Variants in LYSMD2 observed in about 807,000 individuals in gnomAD.
LYSMD2 encodes LysM domain containing 2, also known as lysM and putative peptidoglycan-binding domain-containing protein 2.
LYSMD2 carries 6 observed loss-of-function variants against 17.7 expected under a neutral mutation model. The ratio of observed to expected loss-of-function variants is 0.34; its 90% CI spans 0.19 to 0.67. The LOEUF (loss-of-function observed/expected upper bound fraction) is 0.67. Ranked by LOEUF, LYSMD2 falls within the 30% of genes least tolerant of loss-of-function variation. LYSMD2 has a pLI of 0.69. For synonymous variants in LYSMD2, 102 were observed against 129.8 expected (o/e 0.79, Z 1.45); for missense variants, 237 against 286.7 (o/e 0.83, Z 1.25).
Position 51,737,629 on chromosome 15 carries a change from T to C in LYSMD2, c.-7A>G. On this transcript the variant is annotated 5_prime_UTR_variant, in exon 1 of 3. Transcript: ENST00000267838. This position sits in a 1 kb window ranked among gnomAD's most constrained non-coding sequence, Gnocchi z 4.2. ...CGGGCGAGGAATCCGCCATGGGTCCTGCCGAGGCCGCCGGGTCGGGGAGCT... is the reference window on the plus strand; with the variant it reads ...CGGGCGAGGAATCCGCCATGGGTCCCGCCGAGGCCGCCGGGTCGGGGAGCT... The C allele has an allele frequency of 8.3e-7, 1 of 1,205,954 alleles. No individual in the cohort carries two copies. Among genetic ancestry groups the C allele is most frequent in the African/African-American group, 1.6e-5 (1 of 63,298 alleles). 74.7% of individuals were successfully genotyped at this position (1,205,954 alleles called of 1,614,324 possible).
chr15:51,730,061 T>C (rs1052933717), intron 1 of LYSMD2, among the ~76,000 whole-genome samples: 6 of 152,168 alleles, frequency 3.9e-5, no homozygotes, highest in Admixed American at 2.6e-4. Context: ...CTAGATTGAA[T>C]AGTGTAACTC....
Position 51,735,847 on chromosome 15 carries a change from C to G in LYSMD2, c.273+1503G>C, listed in dbSNP as rs148258204. Among the ~76,000 whole-genome samples the G allele has an allele frequency of 2.7e-3, 404 of 152,336 alleles. 2 individuals are homozygous for G. The highest frequency in any genetic ancestry group is 9.4e-3 in the African/African-American group (392 of 41,578). On this transcript the variant is annotated intron_variant, in intron 1 of 2. Coordinates refer to ENST00000267838, the MANE Select transcript of LYSMD2 (RefSeq NM_153374.3). ...AGACAGCATGGGAAATAACACTCTT[C>G]TGCATGTCATAGATTTTTAGGTGCT...
upstream of LYSMD2, chr15:51,737,809 T>G: frequency 2.7e-6 from 1 of 367,770 alleles, no homozygotes; most frequent in Non-Finnish European, 4.6e-6. The surrounding 1 kb of genome is among the most constrained non-coding windows in gnomAD (Gnocchi z 4.2). Flanking sequence ...CTCTGCGTCC[T>G]GCCTGCCCCG....
intron 1 of LYSMD2, among the ~76,000 whole-genome samples, chr15:51,730,531 T>A (rs1360255281): frequency 6.6e-6 from 1 of 152,112 alleles, no homozygotes; most frequent in Non-Finnish European, 1.5e-5. Context: ...AAATTTTTTT[T>A]AATAAAATAA....
chr15:51,751,357 G>A (rs1312934143), exon 1 of LYSMD2: 3 of 702,292 alleles, frequency 4.3e-6, no homozygotes, highest in Non-Finnish European at 7.8e-6. Flanking sequence ...TGCCATCCAC[G>A]CTCTCCGGAG....
At position 51,737,421 on chromosome 15, in the gene LYSMD2, C is replaced by G. The variant is rs2055617860; in HGVS notation, c.202G>C (p.Glu68Gln). The change falls in exon 1 of 3, where the codon GAG becomes CAG. Residue 68 changes from glutamate (E) to glutamine (Q), a missense_variant. Glu to Gln is a conservative substitution (Grantham distance 29). Coordinates refer to ENST00000267838, the MANE Select transcript of LYSMD2 (RefSeq NM_153374.3). The surrounding 1 kb of genome is among the most constrained non-coding windows in gnomAD (Gnocchi z 4.2). The stretch of plus-strand genomic sequence containing the variant: ...CGGACCCGGTGCTCCACATGGCGCT[C>G]GATGACGCCGGCGCCCAGCGGCGCC... ...VRAPLGAGVIERHVEHRVRAG... is the reference protein window; with the variant it reads ...VRAPLGAGVIQRHVEHRVRAG... 7 of 1,444,850 alleles carry G rather than the reference C, an allele frequency of 4.8e-6. No individual in the cohort carries two copies. Among genetic ancestry groups the G allele is most frequent in the Non-Finnish European group, 6.3e-6 (7 of 1,103,472 alleles). 89.5% of individuals were successfully genotyped at this position (1,444,850 alleles called of 1,614,324 possible). A position where few individuals can be genotyped will look rare whatever the true frequency, so the allele number is the denominator to read the frequency against.
At chr15:51,739,621 T>C (rs917726866), upstream of LYSMD2, among the ~76,000 whole-genome samples, 2 of 152,052 alleles carry the variant, frequency 1.3e-5, no homozygotes, top group Non-Finnish European at 2.9e-5. Context: ...GTTTACTGCA[T>C]GGCTGGAAGT....
upstream of LYSMD2, among the ~76,000 whole-genome samples, chr15:51,741,401 T>C (rs1056946076): frequency 1.3e-5 from 2 of 152,236 alleles, no homozygotes; most frequent in Non-Finnish European, 2.9e-5. Context: ...CAAACATTAA[T>C]GCTTTTGCAA....
intron 1 of LYSMD2, among the ~76,000 whole-genome samples, chr15:51,735,837 T>C (rs1783150678): frequency 1.3e-5 from 2 of 152,184 alleles, no homozygotes; most frequent in South Asian, 4.1e-4. Flanking sequence ...GCATGGGAAA[T>C]AACACTCTTC....
At chr15:51,744,781 A>G (rs1409200700) in intron 1 of LYSMD2, among the ~76,000 whole-genome samples, 1 of 152,160 alleles carries the variant, frequency 6.6e-6, no homozygotes, top group Non-Finnish European at 1.5e-5. Flanking sequence ...GTTATGATAA[A>G]TGAAACAGAG....
chr15:51,726,276 T>C (rs1411463445), intron 1 of LYSMD2, among the ~76,000 whole-genome samples: 1 of 152,200 alleles, frequency 6.6e-6, no homozygotes, highest in African/African-American at 2.4e-5. Flanking sequence ...AAACCCCAAG[T>C]ATCTCTGGTC....
At chr15:51,725,160 C>A in intron 1 of LYSMD2, 39 bp from the exon 2 acceptor site, 1 of 1,258,062 alleles carries the variant, frequency 7.9e-7, no homozygotes, top group Non-Finnish European at 1.1e-6. Flanking sequence ...TACATATAAC[C>A]AAGTCAAGGA....
intron 1 of LYSMD2, among the ~76,000 whole-genome samples, chr15:51,747,856 A>G (rs931254729): frequency 6.6e-6 from 1 of 152,250 alleles, no homozygotes; most frequent in Non-Finnish European, 1.5e-5. Flanking sequence ...ATAATTCATC[A>G]ACATAGTCAC....
chr15:51,737,510 G>A lies in LYSMD2; in HGVS notation c.113C>T (p.Ala38Val), dbSNP rs2055618941. Reference sequence around the variant, plus strand: ...GCGGGCCAGGCTCAGCGACAGCTCGGCCTCCTCGGACTCGGAGCCGGAGCG... The same window carrying A: ...GCGGGCCAGGCTCAGCGACAGCTCGACCTCCTCGGACTCGGAGCCGGAGCG... The part of the protein sequence containing the change: ...RSRSGSESEE[A>V]ELSLSLARTK... The change falls in exon 1 of 3, where the codon GCC (alanine) becomes GTC (valine). Residue 38 changes from alanine (A) to valine (V), a missense_variant. Coordinates refer to ENST00000267838, the MANE Select transcript of LYSMD2 (RefSeq NM_153374.3). This position sits in a 1 kb window ranked among gnomAD's most constrained non-coding sequence, Gnocchi z 4.2. 3 of 1,297,828 alleles carry A rather than the reference G, an allele frequency of 2.3e-6. No homozygotes were observed. The highest frequency in any genetic ancestry group is 2.9e-6 in the Non-Finnish European group (3 of 1,025,250). The allele number at this position is 1,297,828 out of a possible 1,614,324, so 80.4% of individuals were successfully genotyped here.
In LYSMD2 at chr15:51,723,417, G is replaced by C. The variant is rs1343440591; in HGVS notation, c.*190C>G. 2 of 523,104 alleles carry C rather than the reference G, an allele frequency of 3.8e-6. No homozygotes were observed. The highest frequency in any genetic ancestry group is 3.4e-6 in the Non-Finnish European group (1 of 294,516). The allele number at this position is 523,104 out of a possible 1,614,324, so 32.4% of individuals were successfully genotyped here. A position where few individuals can be genotyped will look rare whatever the true frequency, so the allele number is the denominator to read the frequency against. ...AACCTTGCCATCATGCCATAATAAA[G>C]ACTTAAAATTATAGAAAGCCAGAGG... On this transcript the variant is annotated 3_prime_UTR_variant, in exon 3 of 3. Coordinates refer to ENST00000267838, the MANE Select transcript of LYSMD2 (RefSeq NM_153374.3).
chr15:51,726,342 G>A (rs2055539953), intron 1 of LYSMD2, among the ~76,000 whole-genome samples: 1 of 152,190 alleles, frequency 6.6e-6, no homozygotes, highest in Non-Finnish European at 1.5e-5. Flanking sequence ...GCAGGTTCAG[G>A]TATACCTATT....
rs139980931 is a variant in LYSMD2, at chr15:51,749,061, C to T, written c.-1+2210G>A. On this transcript the variant is annotated intron_variant, in intron 1 of 2. Coordinates refer to the LYSMD2 transcript ENST00000454181. ...GGCTACACAAAATGATATGTAAGGT[C>T]CCTTCCAGCTCCAGGAGTTCTGTTT... Among the ~76,000 whole-genome samples the T allele has an allele frequency of 2.9e-3, 435 of 152,294 alleles. 4 individuals are homozygous for T. The highest frequency in any genetic ancestry group is 9.9e-3 in the African/African-American group (413 of 41,540).
chr15:51,729,710 G>A (rs935317998), intron 1 of LYSMD2, among the ~76,000 whole-genome samples: 2 of 152,142 alleles, frequency 1.3e-5, no homozygotes, highest in East Asian at 1.9e-4. Flanking sequence ...CACCTGCCTC[G>A]GTCTCCCAAA....
At chr15:51,739,108 T>C (rs145476162), upstream of LYSMD2, among the ~76,000 whole-genome samples, 11 of 152,352 alleles carry the variant, frequency 7.2e-5, no homozygotes, top group African/African-American at 2.6e-4. Flanking sequence ...TTCCTAATTC[T>C]TCCCAATGGT....
Sources: allele counts gnomAD v4.1 joint callset (sites outside exome capture counted in the v4.1 genomes callset), GRCh38; gene constraint gnomAD v4.1.1; non-coding constraint Gnocchi (gnomAD v3.1); transcripts MANE v1.5; gene names NCBI Gene and HGNC (gene_info 2026-07-23, HGNC 2026-07-21).